Variants in FAT3 observed in about 807,000 individuals in gnomAD.
The protein encoded by FAT3 is FAT atypical cadherin 3, also known as protocadherin Fat 3.
Under a neutral mutation model 310.2 loss-of-function variants are expected in FAT3, and 95 were observed. The ratio of observed to expected loss-of-function variants is 0.31; its 90% CI spans 0.26 to 0.36. The LOEUF (loss-of-function observed/expected upper bound fraction) is 0.36, where lower values mean the gene tolerates loss of function less well. Among genes scored for constraint, FAT3 ranks in the 10% least tolerant of loss-of-function variants. FAT3 has a pLI of 1.00. For missense variants in FAT3, 5,408 were observed against 5,715.6 expected (o/e 0.95, Z 1.74); for synonymous variants, 2,314 against 2,192.9 (o/e 1.06, Z -1.54).
At position 92,652,191 on chromosome 11, in the gene FAT3, A is replaced by T. The variant is rs1270237698; in HGVS notation, c.3608-45193A>T. On this transcript the variant is annotated intron_variant, in intron 3 of 27. Transcript: ENST00000525166. ...GGGATGTAACCAGGGCTGACTCCAA[A>T]GCCTCTGCTCCCAGGCCTTGGCAGC... Among the ~76,000 whole-genome samples the T allele has an allele frequency of 2.0e-5, 3 of 146,606 alleles. No homozygotes were observed. In the South Asian group the frequency reaches 6.5e-4, roughly 32 times the overall value.
chr11:92,746,861 T>C (rs1185500418), intron 4 of FAT3, among the ~76,000 whole-genome samples: 1 of 152,270 alleles, frequency 6.6e-6, no homozygotes, highest in Non-Finnish European at 1.5e-5. Flanking sequence ...TTTGACTCCA[T>C]GTCCCACATC....
chr11:92,320,415 T>C (rs1354992012), intron 1 of FAT3, among the ~76,000 whole-genome samples: 1 of 144,174 alleles, frequency 6.9e-6, no homozygotes, highest in Non-Finnish European at 1.5e-5. Context: ...GCCCATGCAT[T>C]CTTTTACCAA....
In FAT3 at chr11:92,282,962, C is replaced by A. The variant is rs1371765932; in HGVS notation, c.-18+57788C>A. Among the ~76,000 whole-genome samples, 5 of 152,032 alleles carry A rather than the reference C, an allele frequency of 3.3e-5. No individual in the cohort carries two copies. The East Asian group carries it at 9.7e-4, about 30-fold the overall frequency. On this transcript the variant is annotated intron_variant, in intron 1 of 27. Transcript: ENST00000525166. Reference sequence around the variant, plus strand: ...GTGATCCTGTTTTTATTTTATTTTGCTCTATAGTAATCATCACCAACAGAT... The same window carrying A: ...GTGATCCTGTTTTTATTTTATTTTGATCTATAGTAATCATCACCAACAGAT...
rs1470156609 is a variant in FAT3, at chr11:92,826,817, A to G, written c.9482-4805A>G. Among the ~76,000 whole-genome samples the G allele has an allele frequency of 2.0e-5, 3 of 152,198 alleles. No individual in the cohort carries two copies. The East Asian group carries it at 5.8e-4, about 29-fold the overall frequency. ...CAGGCTAGATCCCGTGCAGGCAATG[A>G]GAGACATAGGAGTGAATGTCAGAGA... On this transcript the variant is annotated intron_variant, in intron 13 of 27. Transcript: ENST00000525166.
intron 4 of FAT3, among the ~76,000 whole-genome samples, chr11:92,744,550 A>G (rs1565558964): frequency 6.6e-6 from 1 of 152,090 alleles, no homozygotes. Flanking sequence ...TTTTATAACC[A>G]TTTTTTTATA....
chr11:92,371,696 A>G (rs1949191407), intron 2 of FAT3, among the ~76,000 whole-genome samples: 1 of 152,124 alleles, frequency 6.6e-6, no homozygotes, highest in African/African-American at 2.4e-5. Flanking sequence ...CAGCTTGGAC[A>G]ACAGAGCAGG....
chr11:92,331,953 A>G (rs892922305), intron 1 of FAT3, among the ~76,000 whole-genome samples: 3 of 152,328 alleles, frequency 2.0e-5, no homozygotes, highest in African/African-American at 4.8e-5. Context: ...TTCCTTATCA[A>G]ATCCTTCTGC....
At chr11:92,749,267 C>T (rs374824973) in intron 4 of FAT3, among the ~76,000 whole-genome samples, 9 of 151,966 alleles carry the variant, frequency 5.9e-5, no homozygotes, top group African/African-American at 1.7e-4. Context: ...TCTGCAATAT[C>T]GAGTTAACAC....
At chr11:92,314,429 G>T (rs770238582) in intron 1 of FAT3, 23 of 295,936 alleles carry the variant, frequency 7.8e-5, no homozygotes, top group Non-Finnish European at 1.2e-4. Flanking sequence ...AAGGGAAAGA[G>T]AATTTTAATC....
intron 1 of FAT3, among the ~76,000 whole-genome samples, chr11:92,275,667 C>T (rs1259772700): frequency 6.6e-6 from 1 of 152,122 alleles, no homozygotes; most frequent in Admixed American, 6.6e-5. Flanking sequence ...ACTTAAGTCT[C>T]TACCAGCAAT....
At chr11:92,578,679 C>T (rs1453255597) in intron 3 of FAT3, among the ~76,000 whole-genome samples, 3 of 152,078 alleles carry the variant, frequency 2.0e-5, no homozygotes, top group Non-Finnish European at 4.4e-5. Flanking sequence ...CATTGCTAGT[C>T]CCTGAATCAC....
Position 92,531,255 on chromosome 11 carries a change from C to G in FAT3, c.3607+6307C>G, listed in dbSNP as rs114370647. The stretch of plus-strand genomic sequence containing the variant: ...AAATCGGGCTTATGCAGATTTATCA[C>G]GGGGGTTATTTAAATTCAGCGGTGA... On this transcript the variant is annotated intron_variant, in intron 3 of 27. Transcript: ENST00000525166. 2.4e-3 allele frequency among the ~76,000 whole-genome samples: 371 copies of G among 152,216 alleles called. 3 individuals carry two copies. Among genetic ancestry groups the G allele is most frequent in the African/African-American group, 8.2e-3 (342 of 41,528 alleles).
At chr11:92,421,925 G>C (rs888322371) in intron 2 of FAT3, among the ~76,000 whole-genome samples, 3 of 152,186 alleles carry the variant, frequency 2.0e-5, no homozygotes, top group African/African-American at 7.2e-5. Context: ...CTGACATTTA[G>C]ACAGTGAGAG....
intron 9 of FAT3, among the ~76,000 whole-genome samples, chr11:92,796,941 G>C (rs1356458958): frequency 2.6e-5 from 4 of 152,210 alleles, no homozygotes; most frequent in African/African-American, 9.6e-5. Flanking sequence ...TCAAAGTGGG[G>C]TGCCCAGGTT....
At chr11:92,700,465 C>T (rs1049805894) in intron 4 of FAT3, among the ~76,000 whole-genome samples, 1 of 151,910 alleles carries the variant, frequency 6.6e-6, no homozygotes, top group Non-Finnish European at 1.5e-5. Context: ...CTGAGGGTGA[C>T]CAGTGGCAGC....
At position 92,353,985 on chromosome 11, in the gene FAT3, T is replaced by A. The variant is rs757111863; in HGVS notation, c.1873T>A (p.Tyr625Asn). Residue 625 changes from tyrosine (Y) to asparagine (N), a missense_variant, in exon 2 of 28, where the codon TAT (tyrosine) becomes AAT (asparagine). By Grantham distance (143) the Tyr-to-Asn change is moderately radical (BLOSUM62 -2). This residue lies in a region of FAT3 where 4,588 missense variants were observed against 4,809.8 expected (regional missense o/e 0.95). Transcript: ENST00000525166. ...IISGNELGFF[Y>N]LNPDSGVLQL... is the part of the protein sequence containing the mutation. The stretch of plus-strand genomic sequence containing the variant: ...TTCTGGAAATGAACTTGGCTTCTTT[T>A]ATTTAAACCCAGATTCTGGTGTTTT... 6.2e-7 allele frequency: 1 copy of A among 1,612,878 alleles called. No homozygotes were observed. Among genetic ancestry groups the A allele is most frequent in the South Asian group, 1.1e-5 (1 of 90,992 alleles).
intron 2 of FAT3, among the ~76,000 whole-genome samples, chr11:92,414,567 T>G (rs1326591548): frequency 2.0e-5 from 3 of 152,250 alleles, no homozygotes; most frequent in Non-Finnish European, 2.9e-5. Flanking sequence ...TAGTTTTGTA[T>G]TTCTCCACTA....
intron 3 of FAT3, among the ~76,000 whole-genome samples, chr11:92,670,048 C>A (rs139262587): frequency 3.2e-4 from 48 of 152,314 alleles, no homozygotes; most frequent in African/African-American, 1.1e-3. Flanking sequence ...AAAAATTATT[C>A]TTGTATGGGT....
intron 2 of FAT3, among the ~76,000 whole-genome samples, chr11:92,465,066 G>A (rs1951727577): frequency 6.6e-6 from 1 of 152,088 alleles, no homozygotes; most frequent in African/African-American, 2.4e-5. Flanking sequence ...GGGAGAAAAA[G>A]CATTTATTTG....
Sources: allele counts gnomAD v4.1 joint callset (sites outside exome capture counted in the v4.1 genomes callset), GRCh38; gene constraint gnomAD v4.1.1; regional missense constraint gnomAD v4.1.1; transcripts MANE v1.5; gene names NCBI Gene and HGNC (gene_info 2026-07-23, HGNC 2026-07-21).